The following CYP27A1 variants were observed in gnomAD, a reference collection of about 807,000 sequenced individuals.
CYP27A1 encodes the protein sterol 26-hydroxylase, mitochondrial.
In CYP27A1, 46 loss-of-function variants were observed where a neutral mutation model predicts 58.2. That is an observed-to-expected ratio of 0.79 (90% CI 0.62 to 1.01). The LOEUF (loss-of-function observed/expected upper bound fraction) is 1.01, where lower values mean the gene tolerates loss of function less well. Ranked by LOEUF, CYP27A1 falls within the 50% of genes least tolerant of loss-of-function variation. The pLI, the probability that CYP27A1 is intolerant of heterozygous loss-of-function variation, is 0.00. For synonymous variants in CYP27A1, 274 were observed against 285.1 expected (o/e 0.96, Z 0.39); for missense variants, 704 against 687.0 (o/e 1.02, Z -0.28).
intron 1 of CYP27A1, among the ~76,000 whole-genome samples, chr2:218,799,819 A>C (rs1016503144): frequency 1.8e-4 from 28 of 151,534 alleles, no homozygotes; most frequent in Non-Finnish European, 3.4e-4. Flanking sequence ...GACCATAACC[A>C]TGGGTATTTC....
At chr2:218,800,429 T>C (rs958148360) in intron 1 of CYP27A1, among the ~76,000 whole-genome samples, 3 of 152,116 alleles carry the variant, frequency 2.0e-5, no homozygotes, top group Middle Eastern at 6.8e-3. Context: ...AAAATAAAAA[T>C]AAATAAACAA....
chr2:218,795,863 C>A (rs1225345474), intron 1 of CYP27A1, among the ~76,000 whole-genome samples: 1 of 152,142 alleles, frequency 6.6e-6, no homozygotes, highest in South Asian at 2.1e-4. Flanking sequence ...GCATAAAGTA[C>A]AGCAAGAATA....
chr2:218,812,522 C>T, intron 3 of CYP27A1, 30 bp from the exon 4 acceptor site: 2 of 1,613,636 alleles, frequency 1.2e-6, no homozygotes, highest in Non-Finnish European at 1.7e-6. Context: ...CTGGTTCTGC[C>T]TCCTGTGATG....
At chr2:218,783,404 A>T (rs1157024418) in intron 1 of CYP27A1, among the ~76,000 whole-genome samples, 3 of 152,178 alleles carry the variant, frequency 2.0e-5, no homozygotes, top group Non-Finnish European at 4.4e-5. Flanking sequence ...TGAACAGCTC[A>T]CTGCTCACTG....
At chr2:218,804,244 C>A (rs930401682) in intron 1 of CYP27A1, among the ~76,000 whole-genome samples, 4 of 152,128 alleles carry the variant, frequency 2.6e-5, no homozygotes, top group African/African-American at 7.2e-5. Flanking sequence ...AGGGGTCCAG[C>A]TTCATTCTTT....
intron 1 of CYP27A1, among the ~76,000 whole-genome samples, chr2:218,792,709 C>T (rs975131965): frequency 6.6e-6 from 1 of 151,962 alleles, no homozygotes; most frequent in African/African-American, 2.4e-5. Flanking sequence ...ATTTCTGTGG[C>T]CTACAATAAT....
At chr2:218,785,577 C>A (rs1049054678) in intron 1 of CYP27A1, among the ~76,000 whole-genome samples, 2 of 151,956 alleles carry the variant, frequency 1.3e-5, no homozygotes, top group African/African-American at 4.8e-5. Flanking sequence ...CAAAGAAATT[C>A]TAGATGGCTT....
At chr2:218,793,200 C>T (rs184631888) in intron 1 of CYP27A1, among the ~76,000 whole-genome samples, 72 of 152,186 alleles carry the variant, frequency 4.7e-4, no homozygotes, top group African/African-American at 1.6e-3. Flanking sequence ...CTCAGCCTCC[C>T]GAGTAGCTGG....
chr2:218,803,722 CTTTTTTTTT>C (rs71040407), intron 1 of CYP27A1, among the ~76,000 whole-genome samples: 3 of 57,748 alleles, frequency 5.2e-5, no homozygotes, highest in Non-Finnish European at 8.9e-5. Flanking sequence ...GTGCCCCCGT[CTTTTTTTTT>C]TTTTTTTTTT....
At chr2:218,806,951 A>T (rs1421666401) in intron 1 of CYP27A1, among the ~76,000 whole-genome samples, 2 of 100,512 alleles carry the variant, frequency 2.0e-5, no homozygotes, top group African/African-American at 8.4e-5. Flanking sequence ...CTCCTAGGGA[A>T]TTTTTTTTTT....
At chr2:218,795,031 T>G (rs998112908) in intron 1 of CYP27A1, among the ~76,000 whole-genome samples, 1 of 152,132 alleles carries the variant, frequency 6.6e-6, no homozygotes, top group Non-Finnish European at 1.5e-5. Context: ...CCTGAACCCA[T>G]GAAGCAGGGA....
At chr2:218,795,207 G>C (rs1211667840) in intron 1 of CYP27A1, among the ~76,000 whole-genome samples, 3 of 152,170 alleles carry the variant, frequency 2.0e-5, no homozygotes, top group Non-Finnish European at 4.4e-5. Flanking sequence ...ATGCTCACCT[G>C]TGCTGTGCCT....
At chr2:218,791,392 G>A (rs1280320226) in intron 1 of CYP27A1, among the ~76,000 whole-genome samples, 4 of 152,128 alleles carry the variant, frequency 2.6e-5, no homozygotes, top group Non-Finnish European at 4.4e-5. Context: ...AATAAGGCTG[G>A]CTGCAAAATC....
intron 1 of CYP27A1, among the ~76,000 whole-genome samples, chr2:218,808,210 A>G (rs1943671012): frequency 6.6e-6 from 1 of 152,226 alleles, no homozygotes; most frequent in Non-Finnish European, 1.5e-5. Context: ...GAGTCCTACC[A>G]GCAGTATATT....
intron 1 of CYP27A1, among the ~76,000 whole-genome samples, chr2:218,808,881 T>C (rs148789219): frequency 2.0e-5 from 3 of 152,358 alleles, no homozygotes; most frequent in East Asian, 1.9e-4. Context: ...TTAGAAATTC[T>C]AAGATAAAAT....
rs1943756512 is a variant in CYP27A1, at chr2:218,814,140, C to A, written c.1137C>A (p.Asp379Glu). 6.2e-7 allele frequency: 1 copy of A among 1,614,260 alleles called. No individual in the cohort carries two copies. Among genetic ancestry groups the A allele is most frequent in the East Asian group, 2.2e-5 (1 of 44,890 alleles). The change falls in exon 6 of 9, where the codon GAC (aspartate) becomes GAA (glutamate). Residue 379 changes from aspartate to glutamate, a missense_variant. Physicochemically the swap from Asp to Glu is conservative, Grantham distance 45. Coordinates refer to ENST00000258415, the MANE Select transcript of CYP27A1 (RefSeq NM_000784.4). ...VPAGQVPQHK[D>E]FAHMPLLKAV... ...CCGGGCAAGTGCCCCAGCACAAGGA[C>A]TTTGCCCACATGCCGTTGCTCAAAG...
chr2:218,782,310 C>T lies in CYP27A1; in HGVS notation c.128C>T (p.Ala43Val), dbSNP rs759232939. 1.2e-6 allele frequency: 2 copies of T among 1,609,768 alleles called. No homozygotes were observed. Among genetic ancestry groups the T allele is most frequent in the Non-Finnish European group, 1.7e-6 (2 of 1,177,922 alleles). The change falls in exon 1 of 9, where the codon GCT becomes GTT. Residue 43 changes from alanine (A) to valine (V), a missense_variant. Ala to Val is a moderately conservative substitution (Grantham distance 64). Coordinates refer to ENST00000258415, the MANE Select transcript of CYP27A1 (RefSeq NM_000784.4). The surrounding 1 kb of genome is among the most constrained non-coding windows in gnomAD (Gnocchi z 4.1). ...AALPSDKATG[A>V]PGAGPGVRRR... is the part of the protein sequence containing the mutation. ...CTCCCCTCGGACAAGGCCACCGGAG[C>T]TCCCGGAGCCGGGCCTGGTGTCCGG...
chr2:218,809,062 C>G (rs1428821307), intron 1 of CYP27A1, among the ~76,000 whole-genome samples: 1 of 152,080 alleles, frequency 6.6e-6, no homozygotes, highest in Non-Finnish European at 1.5e-5. Flanking sequence ...TGGACCCTGA[C>G]TTTCTCATCC....
In CYP27A1 at chr2:218,815,227, C is replaced by A; in HGVS notation, c.*197C>A. 1.6e-6 allele frequency: 1 copy of A among 622,150 alleles called. No homozygotes were observed. Among genetic ancestry groups the A allele is most frequent in the African/African-American group, 1.8e-5 (1 of 54,766 alleles). 38.5% of individuals were successfully genotyped at this position (622,150 alleles called of 1,614,324 possible). A position where few individuals can be genotyped will look rare whatever the true frequency, so the allele number is the denominator to read the frequency against. On this transcript the variant is annotated 3_prime_UTR_variant, in exon 9 of 9. Transcript: ENST00000258415. Reference sequence around the variant, plus strand: ...AGCAACTCCCTCTCAGCTAAAAGGCCACCCCTTTATCGCATTGCTGTCCTT... The same window carrying A: ...AGCAACTCCCTCTCAGCTAAAAGGCAACCCCTTTATCGCATTGCTGTCCTT...
Sources: allele counts gnomAD v4.1 joint callset (sites outside exome capture counted in the v4.1 genomes callset), GRCh38; gene constraint gnomAD v4.1.1; non-coding constraint Gnocchi (gnomAD v3.1); transcripts MANE v1.5; gene names NCBI Gene and HGNC (gene_info 2026-07-23, HGNC 2026-07-21).